Variants in RAP1GAP observed in about 807,000 individuals in gnomAD.
The protein encoded by RAP1GAP is rap1 GTPase-activating protein 1.
RAP1GAP carries 35 observed loss-of-function variants against 87.2 expected under a neutral mutation model. The observed-to-expected ratio is 0.40, with a 90% CI of 0.31 to 0.53. RAP1GAP has a LOEUF of 0.53. RAP1GAP is among the 20% of genes least tolerant of loss of function. The pLI, the probability that RAP1GAP is intolerant of heterozygous loss-of-function variation, is 0.48. For missense variants in RAP1GAP, 734 were observed against 898.9 expected, an observed-to-expected ratio of 0.82 and a Z score of 2.35; for synonymous variants, 375 against 363.9, an observed-to-expected ratio of 1.03 and a Z score of -0.35.
intron 10 of RAP1GAP, among the ~76,000 whole-genome samples, chr1:21,612,351 C>T (rs562778801): frequency 1.3e-5 from 2 of 152,304 alleles, no homozygotes; most frequent in South Asian, 2.1e-4. Flanking sequence ...GACCCCAGGT[C>T]TGTTGGATTC....
At chr1:21,614,702 C>A (rs924600727) in intron 7 of RAP1GAP, among the ~76,000 whole-genome samples, 1 of 152,166 alleles carries the variant, frequency 6.6e-6, no homozygotes, top group Admixed American at 6.5e-5. Flanking sequence ...GGGGTGGCTG[C>A]GGCAGGGATG....
Position 21,609,714 on chromosome 1 carries a change from C to T in RAP1GAP, c.1000-68G>A, listed in dbSNP as rs1157076359. The T allele has an allele frequency of 2.1e-5, 26 of 1,252,522 alleles. No individual in the cohort carries two copies. The highest frequency in any genetic ancestry group is 2.7e-5 in the Non-Finnish European group (25 of 914,784). 77.6% of individuals were successfully genotyped at this position (1,252,522 alleles called of 1,614,324 possible). Reference sequence around the variant, plus strand: ...CTGCTCTGCCCCACCCAGCCAGAAACCCCTACTGTGCCTCCCTGGACTGCC... The same window carrying T: ...CTGCTCTGCCCCACCCAGCCAGAAATCCCTACTGTGCCTCCCTGGACTGCC... On this transcript the variant is annotated intron_variant, in intron 14 of 24. Coordinates refer to ENST00000374765, the MANE Select transcript of RAP1GAP (RefSeq NM_002885.4). The surrounding 1 kb of genome is among the most constrained non-coding windows in gnomAD (Gnocchi z 4.4).
chr1:21,637,972 C>CAAAAA (rs35411110), intron 2 of RAP1GAP, among the ~76,000 whole-genome samples: 1 of 70,128 alleles, frequency 1.4e-5, no homozygotes, highest in Non-Finnish European at 2.6e-5. Context: ...CCATCTCTAC[C>CAAAAA]AAAAAAAAAA....
chr1:21,654,172 C>T (rs1018387856), intron 1 of RAP1GAP, among the ~76,000 whole-genome samples: 4 of 152,244 alleles, frequency 2.6e-5, no homozygotes, highest in Non-Finnish European at 5.9e-5. Context: ...CTGACCAGCT[C>T]CTGGTCCTTT....
chr1:21,601,496 G>A lies in RAP1GAP; in HGVS notation c.1652+188C>T, dbSNP rs1207667490. Among the ~76,000 whole-genome samples, 5 of 152,230 alleles carry A rather than the reference G, an allele frequency of 3.3e-5. No homozygotes were observed. In the South Asian group the frequency reaches 6.2e-4, roughly 19 times the overall value. On this transcript the variant is annotated intron_variant, in intron 20 of 24. Transcript: ENST00000374765. ...ACCTCTGTGCTCCAGAGCCGGGCGC[G>A]GGGCTGGGCGTGCACAAAGTGCTCG...
At chr1:21,624,542 G>A (rs1196529047) in intron 3 of RAP1GAP, among the ~76,000 whole-genome samples, 1 of 152,098 alleles carries the variant, frequency 6.6e-6, no homozygotes, top group African/African-American at 2.4e-5. Context: ...TATGTCACAG[G>A]CCTGTGTTCC....
At position 21,610,254 on chromosome 1, in the gene RAP1GAP, C is replaced by T. The variant is rs1307187385; in HGVS notation, c.865G>A (p.Gly289Arg). 6.2e-7 allele frequency: 1 copy of T among 1,614,080 alleles called. No homozygotes were observed. The highest frequency in any genetic ancestry group is 8.5e-7 in the Non-Finnish European group (1 of 1,180,014). ...AAGACCACAGCCACGATGTCGTTCC[C>T]GATGTGCCGCTTCCGCTGCAACTGA... ...AQQLQRKRHIGNDIVAVVFQD... is the reference protein window; with the variant it reads ...AQQLQRKRHIRNDIVAVVFQD... The change falls in exon 14 of 25, where the codon GGG (glycine) becomes AGG (arginine). Residue 289 changes from glycine to arginine, a missense_variant. By Grantham distance (125) the Gly-to-Arg change is moderately radical. Around this residue, in one of 2 missense-constraint regions of RAP1GAP, gnomAD observed 485 missense variants for 646.2 expected, o/e 0.75. Transcript: ENST00000374765.
At chr1:21,659,287 A>G (rs1306556104) in intron 1 of RAP1GAP, among the ~76,000 whole-genome samples, 2 of 152,158 alleles carry the variant, frequency 1.3e-5, no homozygotes, top group African/African-American at 4.8e-5. Flanking sequence ...CCGTCATAAG[A>G]ACTGCAGGCG....
intron 3 of RAP1GAP, among the ~76,000 whole-genome samples, chr1:21,624,202 C>A (rs999267207): frequency 1.3e-5 from 2 of 152,128 alleles, no homozygotes; most frequent in African/African-American, 4.8e-5. Flanking sequence ...GAAGGAGGGT[C>A]CTGGGTAGCT....
At chr1:21,636,164 G>T (rs1239785762) in intron 2 of RAP1GAP, among the ~76,000 whole-genome samples, 1 of 152,214 alleles carries the variant, frequency 6.6e-6, no homozygotes, top group Non-Finnish European at 1.5e-5. Flanking sequence ...ATAAATTACA[G>T]GCTCCTGCCT....
chr1:21,655,668 C>G (rs2096832119), intron 1 of RAP1GAP, among the ~76,000 whole-genome samples: 1 of 152,250 alleles, frequency 6.6e-6, no homozygotes, highest in Non-Finnish European at 1.5e-5. Context: ...CAGGCCCTCC[C>G]TCTGAGAGGA....
intron 20 of RAP1GAP, among the ~76,000 whole-genome samples, chr1:21,601,379 C>T (rs932784428): frequency 2.0e-5 from 3 of 152,216 alleles, no homozygotes; most frequent in Non-Finnish European, 2.9e-5. Flanking sequence ...AACCCTGCTT[C>T]GGGTTCCTCC....
chr1:21,664,904 G>C (rs1344184193), intron 1 of RAP1GAP, among the ~76,000 whole-genome samples: 1 of 152,050 alleles, frequency 6.6e-6, no homozygotes, highest in East Asian at 1.9e-4. Context: ...GTCTGGCCTC[G>C]CAAACAACAT....
At position 21,609,759 on chromosome 1, in the gene RAP1GAP, G is replaced by A. The variant is rs2077071297; in HGVS notation, c.1000-113C>T. On this transcript the variant is annotated intron_variant, in intron 14 of 24. Coordinates refer to ENST00000374765, the MANE Select transcript of RAP1GAP (RefSeq NM_002885.4). The surrounding 1 kb of genome is among the most constrained non-coding windows in gnomAD (Gnocchi z 4.4). ...ACTGCCCCTTGGTCGGGGAGACCCA[G>A]TGACTGTGGGCTGGATGAATCTTTC... The A allele has an allele frequency of 1.3e-6, 1 of 760,390 alleles. No homozygotes were observed. The highest frequency in any genetic ancestry group is 1.8e-5 in the African/African-American group (1 of 56,198). 47.1% of individuals were successfully genotyped at this position (760,390 alleles called of 1,614,324 possible).
chr1:21,652,004 GCCGC>G, intron 1 of RAP1GAP: 1 of 284,362 alleles, frequency 3.5e-6, no homozygotes, highest in Non-Finnish European at 5.3e-6. Flanking sequence ...GCTTGTTCGC[GCCGC>G]CCTGGGCCGG....
chr1:21,612,725 C>T (rs1054214009), intron 10 of RAP1GAP, among the ~76,000 whole-genome samples: 1 of 152,212 alleles, frequency 6.6e-6, no homozygotes, highest in African/African-American at 2.4e-5. Flanking sequence ...GGCAGAAGCC[C>T]GTGCCCCTAT....
At chr1:21,637,987 A>G (rs2151152386) in intron 2 of RAP1GAP, among the ~76,000 whole-genome samples, 1 of 150,180 alleles carries the variant, frequency 6.7e-6, no homozygotes, top group African/African-American at 2.4e-5. Context: ...AAAAAAAAAA[A>G]AAAAACCACA....
chr1:21,656,807 C>G (rs1223903083), intron 1 of RAP1GAP, among the ~76,000 whole-genome samples: 1 of 152,236 alleles, frequency 6.6e-6, no homozygotes, highest in Non-Finnish European at 1.5e-5. Flanking sequence ...TACCTGCCCC[C>G]ACTCAGGCCC....
At chr1:21,657,833 G>T (rs1173624722) in intron 1 of RAP1GAP, among the ~76,000 whole-genome samples, 1 of 152,178 alleles carries the variant, frequency 6.6e-6, no homozygotes, top group East Asian at 1.9e-4. Context: ...CTATAATGGG[G>T]GGAGAGAGTT....
Sources: gnomAD v4.1 joint callset for allele counts (sites outside exome capture counted in the v4.1 genomes callset) on GRCh38, gnomAD v4.1.1 for gene constraint, gnomAD v4.1.1 regional missense constraint, Gnocchi (gnomAD v3.1) non-coding constraint, MANE v1.5 for transcripts, NCBI Gene and HGNC (gene_info 2026-07-23, HGNC 2026-07-21) for gene names.